The following FLVCR1 variants were observed in gnomAD, a reference collection of about 807,000 sequenced individuals.
The protein encoded by FLVCR1 is FLVCR choline and heme transporter 1.
A neutral mutation model predicts 53.6 loss-of-function variants in FLVCR1; 34 were observed. The observed-to-expected ratio is 0.63, with a 90% CI of 0.48 to 0.84. The LOEUF (loss-of-function observed/expected upper bound fraction) is 0.84. Among genes scored for constraint, FLVCR1 ranks in the 40% least tolerant of loss-of-function variants. The pLI, the probability that FLVCR1 is intolerant of heterozygous loss-of-function variation, is 0.00. For missense variants in FLVCR1, 677 were observed against 696.7 expected (o/e 0.97, Z 0.32); for synonymous variants, 300 against 286.3 (o/e 1.05, Z -0.48).
rs41301027 is a variant in FLVCR1, at chr1:212,895,963, G to A, written c.*673G>A. ...TGTGTACAGATTCTACCCAGACTTT[G>A]GTCTTAGAATTATGTTCTAATTAAG... is the stretch of plus-strand genomic sequence containing the variant. On this transcript the variant is annotated 3_prime_UTR_variant, in exon 10 of 10. Transcript: ENST00000366971. 0.22 allele frequency: 33,993 copies of A among 152,256 alleles called. 4,437 individuals carry two copies. Among genetic ancestry groups the A allele is most frequent in the East Asian group, 0.44 (2,274 of 5,170 alleles). The allele number at this position is 152,256 out of a possible 1,614,324, so 9.4% of individuals were successfully genotyped here. A position where few individuals can be genotyped will look rare whatever the true frequency, so the allele number is the denominator to read the frequency against.
intron 4 of FLVCR1, 133 bp downstream of exon 4, chr1:212,883,571 G>C: frequency 1.6e-6 from 1 of 637,100 alleles, no homozygotes; most frequent in South Asian, 1.8e-5. Flanking sequence ...TGTTTTAATT[G>C]AGAATATATT....
intron 8 of FLVCR1, among the ~76,000 whole-genome samples, chr1:212,891,997 A>T (rs1665205810): frequency 6.6e-6 from 1 of 152,240 alleles, no homozygotes; most frequent in South Asian, 2.1e-4. Context: ...CCTAATCTAG[A>T]GCAAGGCCCT....
Position 212,860,350 on chromosome 1 carries a change from G to GTTTTTT in FLVCR1, c.738+1173_738+1178dup, listed in dbSNP as rs567270153. 7.8e-4 allele frequency among the ~76,000 whole-genome samples: 67 copies of GTTTTTT among 85,840 alleles called. 5 individuals carry two copies. The highest frequency in any genetic ancestry group is 2.0e-3 in the South Asian group (4 of 1,964). The allele number at this position is 85,840 out of a possible 152,430, so 56.3% of individuals were successfully genotyped here. On this transcript the variant is annotated intron_variant, in intron 1 of 9. Coordinates refer to ENST00000366971, the MANE Select transcript of FLVCR1 (RefSeq NM_014053.4). ...TATTATAAAGTTTTTTGTGTGTGTG[G>GTTTTTT]TTTTTTTTTTTTTTTTTTGTAGAAA...
At chr1:212,886,190 C>T (rs762483752) in intron 5 of FLVCR1, among the ~76,000 whole-genome samples, 5 of 151,520 alleles carry the variant, frequency 3.3e-5, no homozygotes, top group Admixed American at 2.0e-4. Context: ...CACAGGTGTG[C>T]GCCACCACAC....
intron 3 of FLVCR1, among the ~76,000 whole-genome samples, chr1:212,880,811 A>AAG (rs1664899765): frequency 6.6e-6 from 1 of 151,494 alleles, no homozygotes. Context: ...AAAAAAAAAA[A>AAG]AAGAAGTCCT....
intron 1 of FLVCR1, among the ~76,000 whole-genome samples, chr1:212,859,972 A>G (rs1664170315): frequency 6.6e-6 from 1 of 152,124 alleles, no homozygotes; most frequent in Non-Finnish European, 1.5e-5. Flanking sequence ...CATAAGGGAC[A>G]CATAAATGAC....
intron 3 of FLVCR1, among the ~76,000 whole-genome samples, chr1:212,875,186 A>G (rs1664720848): frequency 6.6e-6 from 1 of 152,236 alleles, no homozygotes; most frequent in Admixed American, 6.5e-5. Context: ...AAGAGGCATG[A>G]TATATGATTT....
Position 212,867,992 on chromosome 1 carries a change from A to G in FLVCR1, c.883+4123A>G, listed in dbSNP as rs544304490. 2.3e-3 allele frequency among the ~76,000 whole-genome samples: 354 copies of G among 152,076 alleles called. 3 individuals are homozygous for G. Among genetic ancestry groups the G allele is most frequent in the Middle Eastern group, 6.8e-3 (2 of 292 alleles). On this transcript the variant is annotated intron_variant, in intron 2 of 9. Coordinates refer to ENST00000366971, the MANE Select transcript of FLVCR1 (RefSeq NM_014053.4). ...CTAATTTTTTGTATTTTTAGTAGAG[A>G]TGGGGTTTCACCGTGTTAGCCAGGA...
In FLVCR1 at chr1:212,863,807, T is replaced by A. The variant is rs760628858; in HGVS notation, c.821T>A (p.Ile274Asn). ...QNDTNLLACN[I>N]STMFYGTSAV... is the part of the protein sequence containing the mutation. ...GACACAAATCTCCTGGCTTGTAATA[T>A]CAGCACCATGTTTTATGGAACATCA... Residue 274 changes from isoleucine to asparagine, a missense_variant, in exon 2 of 10, where the codon ATC (isoleucine) becomes AAC (asparagine). Coordinates refer to ENST00000366971, the MANE Select transcript of FLVCR1 (RefSeq NM_014053.4). 1 of 1,613,892 alleles carries A rather than the reference T, an allele frequency of 6.2e-7. No homozygotes were observed. The highest frequency in any genetic ancestry group is 1.1e-5 in the South Asian group (1 of 91,082).
At chr1:212,890,008 T>A (rs925526064) in intron 8 of FLVCR1, among the ~76,000 whole-genome samples, 2 of 152,212 alleles carry the variant, frequency 1.3e-5, no homozygotes, top group Non-Finnish European at 2.9e-5. Flanking sequence ...ACTATTGTTA[T>A]AATGTGGTAG....
At position 212,887,847 on chromosome 1, in the gene FLVCR1, G is replaced by A. The variant is rs766664849; in HGVS notation, c.1197-44G>A. 5.7e-5 allele frequency: 58 copies of A among 1,018,236 alleles called. No individual in the cohort carries two copies. The South Asian group carries it at 6.8e-4, about 12-fold the overall frequency. The allele number at this position is 1,018,236 out of a possible 1,614,324, so 63.1% of individuals were successfully genotyped here. ...AGAGTGATGATTTTTGTATTCCTAG[G>A]AGAATCAGACAAAATACTAACAGCT... On this transcript the variant is annotated intron_variant, in intron 5 of 9. Transcript: ENST00000366971.
At chr1:212,891,750 A>T (rs1665199836) in intron 8 of FLVCR1, among the ~76,000 whole-genome samples, 1 of 152,322 alleles carries the variant, frequency 6.6e-6, no homozygotes, top group East Asian at 1.9e-4. Flanking sequence ...CTTAAATCAG[A>T]AGCTAAAAAT....
At chr1:212,861,734 A>G (rs1429733384) in intron 1 of FLVCR1, among the ~76,000 whole-genome samples, 2 of 151,876 alleles carry the variant, frequency 1.3e-5, no homozygotes, top group African/African-American at 4.8e-5. Flanking sequence ...CAGTGGCGCG[A>G]TCTTGGCTCA....
In FLVCR1 at chr1:212,888,019, TTAG is replaced by T. The variant is rs1179278109; in HGVS notation, c.1307+19_1307+21del. 1.5e-6 allele frequency: 2 copies of T among 1,330,998 alleles called. No individual in the cohort carries two copies. Among genetic ancestry groups the T allele is most frequent in the South Asian group, 2.3e-5 (2 of 85,374 alleles). The allele number at this position is 1,330,998 out of a possible 1,614,324, so 82.4% of individuals were successfully genotyped here. A position where few individuals can be genotyped will look rare whatever the true frequency, so the allele number is the denominator to read the frequency against. ...GTGCTTGGGTAAGTATCAGATGTGT[TTAG>T]GAGGAATGATAGCATGCTGTTATAA... On this transcript the variant is annotated intron_variant, in intron 6 of 9. Transcript: ENST00000366971.
At chr1:212,882,189 T>A (rs970423759) in intron 3 of FLVCR1, among the ~76,000 whole-genome samples, 1 of 152,160 alleles carries the variant, frequency 6.6e-6, no homozygotes, top group African/African-American at 2.4e-5. Context: ...ATAATACTCA[T>A]TGCAGTCTTG....
At chr1:212,894,724 A>C (rs7530561) in intron 8 of FLVCR1, among the ~76,000 whole-genome samples, 33,923 of 152,130 alleles carry the variant, frequency 0.22, 4,420 homozygotes, top group East Asian at 0.44. Context: ...CCTAGATTGG[A>C]GAGTCCTTTA....
Position 212,858,430 on chromosome 1 carries a change from G to T in FLVCR1, c.-23G>T. On this transcript the variant is annotated 5_prime_UTR_variant, in exon 1 of 10. It adds an upstream start codon to the 5' untranslated region. Coordinates refer to ENST00000366971, the MANE Select transcript of FLVCR1 (RefSeq NM_014053.4). ...GTCGGGGAGTGGGGCGGGGGAGCGA[G>T]GTGGCGCCGGGGAGCCTGGGATATG... 1.4e-6 allele frequency: 2 copies of T among 1,430,838 alleles called. No individual in the cohort carries two copies. The highest frequency in any genetic ancestry group is 9.1e-7 in the Non-Finnish European group (1 of 1,097,168). 88.6% of individuals were successfully genotyped at this position (1,430,838 alleles called of 1,614,324 possible). A position where few individuals can be genotyped will look rare whatever the true frequency, so the allele number is the denominator to read the frequency against.
rs386369566 is a variant in FLVCR1 at position 212,863,594 on chromosome 1, A to AAAG, written c.739-128_739-126dup. On this transcript the variant is annotated intron_variant, in intron 1 of 9. Coordinates refer to ENST00000366971, the MANE Select transcript of FLVCR1 (RefSeq NM_014053.4). ...ACAGACTTTGTCTCAAAAAAAAAAA[A>AAAG]AAGAACATAATAGTTTAATTTTCAA... is the stretch of plus-strand genomic sequence containing the variant. 784 of 870,068 alleles carry AAAG rather than the reference A, an allele frequency of 9.0e-4. 13 individuals are homozygous for AAAG. The African/African-American group carries it at 0.012, about 13-fold the overall frequency. 53.9% of individuals were successfully genotyped at this position (870,068 alleles called of 1,614,324 possible).
intron 2 of FLVCR1, among the ~76,000 whole-genome samples, chr1:212,864,146 T>C (rs1171185505): frequency 2.0e-5 from 3 of 152,220 alleles, no homozygotes; most frequent in Non-Finnish European, 4.4e-5. Context: ...ATTACCTGCC[T>C]CCTCTTCCCA....
Sources: gnomAD v4.1 joint callset for allele counts (sites outside exome capture counted in the v4.1 genomes callset) on GRCh38, gnomAD v4.1.1 for gene constraint, MANE v1.5 for transcripts, NCBI Gene and HGNC (gene_info 2026-07-23, HGNC 2026-07-21) for gene names.